Variants in SLC2A7 observed in about 807,000 individuals in gnomAD.
SLC2A7 encodes solute carrier family 2 member 7.
Under a neutral mutation model 50.5 loss-of-function variants are expected in SLC2A7, and 50 were observed. The observed-to-expected ratio is 0.99, with a 90% CI of 0.79 to 1.25. The LOEUF (loss-of-function observed/expected upper bound fraction) is 1.25, where lower values mean the gene tolerates loss of function less well. SLC2A7 is among the 50% of genes most tolerant of loss of function. The pLI, the probability that SLC2A7 is intolerant of heterozygous loss-of-function variation, is 0.00. For missense variants in SLC2A7, 683 were observed against 679.1 expected (o/e 1.01, Z -0.06); for synonymous variants, 308 against 300.4 (o/e 1.03, Z -0.26).
the SLC2A7 span, among the ~76,000 whole-genome samples, chr1:8,994,986 G>C: frequency 6.6e-6 from 1 of 151,436 alleles, no homozygotes. Flanking sequence ...GCCCAGGCTG[G>C]TCTCGAACTC....
intron 11 of SLC2A7, 67 bp from the exon 12 acceptor site, chr1:9,003,585 C>G: frequency 6.9e-7 from 1 of 1,455,928 alleles, no homozygotes; most frequent in African/African-American, 1.4e-5. Context: ...CAGCTGAGCA[C>G]GTTGGCTCAT....
chr1:9,002,274 G>C (rs1640586409), downstream of SLC2A7, among the ~76,000 whole-genome samples: 1 of 152,252 alleles, frequency 6.6e-6, no homozygotes, highest in South Asian at 2.1e-4. Context: ...TAGTGAAAGA[G>C]GAAGGCCTCT....
chr1:9,016,601 C>CCTGCCTCAA (rs1640834343), intron 5 of SLC2A7, among the ~76,000 whole-genome samples: 1 of 145,364 alleles, frequency 6.9e-6, no homozygotes, highest in Non-Finnish European at 1.5e-5. Flanking sequence ...AGAGTGAGAC[C>CCTGCCTCAA]AGGAAGGAAG....
chr1:9,015,306 G>A lies in SLC2A7; in HGVS notation c.590-64C>T, dbSNP rs1056284471. The stretch of plus-strand genomic sequence containing the variant: ...CACCCCCTGGCCCACCTACCACTGT[G>A]CTCGGAAGGTCACGCTCCTATGTGT... On this transcript the variant is annotated intron_variant, in intron 5 of 11. Transcript: ENST00000400906. The A allele has an allele frequency of 2.7e-6, 4 of 1,489,164 alleles. No homozygotes were observed. In the African/African-American group the frequency reaches 5.6e-5, roughly 21 times the overall value. 92.2% of individuals were successfully genotyped at this position (1,489,164 alleles called of 1,614,324 possible).
rs1197207313 is a variant in SLC2A7 at position 9,019,272 on chromosome 1, T to G, written c.373A>C (p.Ser125Arg). ...AIIPAILMGV[S>R]KVAKAFELIV... ...AGCTCAAAAGCCTTGGCCACTTTGC[T>G]GACTCCCATCAGGATGGCGGGGATG... Residue 125 changes from serine to arginine, a missense_variant, in exon 4 of 12, where the codon AGC (serine) becomes CGC (arginine). Ser to Arg is a moderately radical substitution (Grantham distance 110). Coordinates refer to ENST00000400906, the MANE Select transcript of SLC2A7 (RefSeq NM_207420.3). 1.2e-6 allele frequency: 2 copies of G among 1,614,132 alleles called. No individual in the cohort carries two copies. The highest frequency in any genetic ancestry group is 1.7e-6 in the Non-Finnish European group (2 of 1,179,998).
intron 10 of SLC2A7, among the ~76,000 whole-genome samples, chr1:9,005,757 G>T (rs1026022108): frequency 2.7e-4 from 41 of 149,256 alleles, no homozygotes; most frequent in Non-Finnish European, 5.0e-4. Context: ...GCTCCAGCCT[G>T]GGCAACAGAG....
chr1:9,019,076 G>T, intron 4 of SLC2A7, 133 bp downstream of exon 4: 1 of 1,198,238 alleles, frequency 8.3e-7, no homozygotes, highest in Non-Finnish European at 1.2e-6. Flanking sequence ...GCAAGGGCCT[G>T]GGGATGCAGA....
rs201556595 is a variant in SLC2A7 at position 9,007,283 on chromosome 1, G to A, written c.1192+27C>T. 11 of 1,613,484 alleles carry A rather than the reference G, an allele frequency of 6.8e-6. No individual in the cohort carries two copies. The East Asian group carries it at 2.2e-4, about 33-fold the overall frequency. On this transcript the variant is annotated intron_variant, in intron 10 of 11. Coordinates refer to ENST00000400906, the MANE Select transcript of SLC2A7 (RefSeq NM_207420.3). Reference sequence around the variant, plus strand: ...GCCCAGGAATGGACCAGGATGGCCGGGGCGAGGGAGGCGTGCAGGTACTCA... The same window carrying A: ...GCCCAGGAATGGACCAGGATGGCCGAGGCGAGGGAGGCGTGCAGGTACTCA...
At chr1:9,014,515 G>T (rs1640796432) in intron 7 of SLC2A7, among the ~76,000 whole-genome samples, 166 bp downstream of exon 7, 1 of 152,220 alleles carries the variant, frequency 6.6e-6, no homozygotes, top group Non-Finnish European at 1.5e-5. Flanking sequence ...GAGAGGCAGA[G>T]CACGGAGGCA....
chr1:9,018,384 GGCACAGCAGAA>G lies in SLC2A7; in HGVS notation c.437-20_437-10del. 6.2e-7 allele frequency: 1 copy of G among 1,613,594 alleles called. No homozygotes were observed. Among genetic ancestry groups the G allele is most frequent in the South Asian group, 1.1e-5 (1 of 91,062 alleles). On this transcript the variant is annotated splice_polypyrimidine_tract_variant and intron_variant, in intron 4 of 11. Transcript: ENST00000400906. ...GGCGCTGTAGGAGATGCCTGGTTTG[GGCACAGCAGAA>G]ATCAGGGCAGGCAAACCGCAAACGC...
intron 2 of SLC2A7, 63 bp from the exon 3 acceptor site, chr1:9,023,141 G>A (rs1158232008): frequency 6.5e-7 from 1 of 1,536,296 alleles, no homozygotes; most frequent in East Asian, 2.3e-5. Flanking sequence ...ATGAGAAAGT[G>A]TTCTCAGTGG....
In SLC2A7 at chr1:9,017,546, A is replaced by G. The variant is rs528093785; in HGVS notation, c.589+677T>C. Among the ~76,000 whole-genome samples the G allele has an allele frequency of 8.5e-5, 13 of 152,274 alleles. No individual in the cohort carries two copies. The East Asian group carries it at 9.6e-4, about 11-fold the overall frequency. ...CGTCGGATCAGACCCTTTTTGTCCA[A>G]TGCTATTTCTACTCGGCTGTCCGTA... is the stretch of plus-strand genomic sequence containing the variant. On this transcript the variant is annotated intron_variant, in intron 5 of 11. Coordinates refer to ENST00000400906, the MANE Select transcript of SLC2A7 (RefSeq NM_207420.3).
the SLC2A7 span, among the ~76,000 whole-genome samples, chr1:8,994,322 T>C: frequency 6.6e-6 from 1 of 152,172 alleles, no homozygotes. Context: ...GGAAGAATGA[T>C]TAGTGAATCT....
At chr1:9,021,472 G>C (rs1640912052) in intron 3 of SLC2A7, among the ~76,000 whole-genome samples, 1 of 152,166 alleles carries the variant, frequency 6.6e-6, no homozygotes, top group African/African-American at 2.4e-5. Flanking sequence ...GGGACCCTGA[G>C]TGAGTGCACT....
chr1:9,017,499 G>A (rs967901106), intron 5 of SLC2A7, among the ~76,000 whole-genome samples: 2 of 152,198 alleles, frequency 1.3e-5, no homozygotes, highest in African/African-American at 4.8e-5. Context: ...GCCTCGCGGG[G>A]TCTCCCCACT....
chr1:9,010,856 C>T (rs1640739006), intron 8 of SLC2A7, among the ~76,000 whole-genome samples: 1 of 152,232 alleles, frequency 6.6e-6, no homozygotes, highest in Non-Finnish European at 1.5e-5. Context: ...GTGTTTGATG[C>T]TTTGACATCT....
intron 5 of SLC2A7, among the ~76,000 whole-genome samples, chr1:9,015,783 G>A (rs1026514891): frequency 3.3e-5 from 5 of 150,704 alleles, no homozygotes; most frequent in Admixed American, 2.6e-4. Flanking sequence ...AAGTGCAATG[G>A]TGCGATCATA....
Position 9,025,072 on chromosome 1 carries a change from C to G in SLC2A7, c.54G>C (p.Arg18=). The change falls in exon 2 of 12, where the codon CGG becomes CGC. Residue 18 remains arginine, a splice_region_variant and synonymous_variant. Coordinates refer to ENST00000400906, the MANE Select transcript of SLC2A7 (RefSeq NM_207420.3). ...TPPPIPSREG[R]LQPTLLLATL... The stretch of plus-strand genomic sequence containing the variant: ...TCGCCAGCAACAGCGTCGGCTGGAG[C>G]CGCTGTAGGAGACAAGTCCAAGGTC... 6.2e-7 allele frequency: 1 copy of G among 1,613,616 alleles called. No individual in the cohort carries two copies. Among genetic ancestry groups the G allele is most frequent in the Non-Finnish European group, 8.5e-7 (1 of 1,179,940 alleles).
intron 4 of SLC2A7, among the ~76,000 whole-genome samples, chr1:9,018,640 G>C (rs1249914713): frequency 6.6e-6 from 1 of 152,198 alleles, no homozygotes; most frequent in East Asian, 1.9e-4. Context: ...TACAGGGGAG[G>C]AGCCTAGGCC....
Sources: allele counts gnomAD v4.1 joint callset (sites outside exome capture counted in the v4.1 genomes callset), GRCh38; gene constraint gnomAD v4.1.1; transcripts MANE v1.5; gene names NCBI Gene and HGNC (gene_info 2026-07-23, HGNC 2026-07-21).